MGAM: variants seen among roughly 807,000 people sequenced by gnomAD.
MGAM encodes the protein alpha-1,4-glucosidase.
Under a neutral mutation model 358.8 loss-of-function variants are expected in MGAM, and 253 were observed. The ratio of observed to expected loss-of-function variants is 0.71; its 90% CI spans 0.64 to 0.78. The LOEUF (loss-of-function observed/expected upper bound fraction) is 0.78. Among genes scored for constraint, MGAM ranks in the 30% least tolerant of loss-of-function variants. MGAM has a pLI of 0.00. For missense variants in MGAM, 3,080 were observed against 3,432.6 expected, an observed-to-expected ratio of 0.90 and a Z score of 2.57; for synonymous variants, 1,105 against 1,227.1, an observed-to-expected ratio of 0.90 and a Z score of 2.08.
chr7:141,986,999 A>G (rs1803734179), intron 2 of MGAM, among the ~76,000 whole-genome samples: 1 of 152,204 alleles, frequency 6.6e-6, no homozygotes, highest in African/African-American at 2.4e-5. Context: ...CTCATAGGGT[A>G]GACTATGATT....
intron 7 of MGAM, 75 bp from the exon 8 acceptor site, chr7:142,024,975 T>A (rs1024388465): frequency 5.3e-5 from 56 of 1,064,882 alleles, no homozygotes; most frequent in Non-Finnish European, 7.6e-5. Context: ...TAAGACTGAT[T>A]TCCTAAACCA....
At chr7:142,060,741 TACTG>T (rs1812092831) in intron 34 of MGAM, among the ~76,000 whole-genome samples, 1 of 151,056 alleles carries the variant, frequency 6.6e-6, no homozygotes, top group Non-Finnish European at 1.5e-5. Flanking sequence ...CTGGCATACT[TACTG>T]TTGTTGCCTC....
At position 142,053,348 on chromosome 7, in the gene MGAM, T is replaced by A. The variant is rs191561617; in HGVS notation, c.3159+364T>A. On this transcript the variant is annotated intron_variant, in intron 26 of 70. Transcript: ENST00000475668. ...GAGAAAGTTGGGTTACAGGATCTAG[T>A]GCTCAATTGCAAGCAGGTGACAATG... 1.2e-4 allele frequency among the ~76,000 whole-genome samples: 19 copies of A among 152,090 alleles called. No homozygotes were observed. In the East Asian group the frequency reaches 3.1e-3, roughly 25 times the overall value.
Position 142,084,405 on chromosome 7 carries a change from T to G in MGAM, c.6382-114T>G, listed in dbSNP as rs1217313241. On this transcript the variant is annotated intron_variant, in intron 53 of 70. Coordinates refer to ENST00000475668, the MANE Select transcript of MGAM (RefSeq NM_001365693.1). ...ATATCCTGTCAGTTTTGATGTGGAA[T>G]TCAATTAGTTAGTTGTCTAGCTTGG... The G allele has an allele frequency of 7.4e-6, 9 of 1,224,412 alleles. 2 individuals are homozygous for G. The highest frequency in any genetic ancestry group is 1.0e-5 in the Non-Finnish European group (9 of 868,402). The allele number at this position is 1,224,412 out of a possible 1,614,324, so 75.8% of individuals were successfully genotyped here.
chr7:142,059,358 A>C, intron 31 of MGAM, 114 bp from the exon 32 acceptor site: 1 of 1,475,580 alleles, frequency 6.8e-7, no homozygotes, highest in Non-Finnish European at 9.1e-7. Context: ...CTGGGATTTG[A>C]ATGCATCAAC....
intron 44 of MGAM, among the ~76,000 whole-genome samples, chr7:142,072,432 A>G (rs1813419821): frequency 6.8e-6 from 1 of 146,346 alleles, no homozygotes; most frequent in South Asian, 2.2e-4. Context: ...CAGAGGAAGC[A>G]CTGCCACTTC....
intron 26 of MGAM, 41 bp downstream of exon 26, chr7:142,053,025 T>C: frequency 1.3e-6 from 2 of 1,591,054 alleles, no homozygotes; most frequent in South Asian, 2.2e-5. Flanking sequence ...TAGACCCTTT[T>C]CAGTTCCATT....
chr7:142,024,280 G>A (rs189117779), intron 7 of MGAM, among the ~76,000 whole-genome samples: 3 of 152,090 alleles, frequency 2.0e-5, no homozygotes, highest in Admixed American at 2.0e-4. Flanking sequence ...AGGCGGTAGT[G>A]GCACACGCCT....
intron 31 of MGAM, among the ~76,000 whole-genome samples, chr7:142,059,240 G>A (rs1413025081): frequency 2.0e-5 from 3 of 152,230 alleles, no homozygotes; most frequent in Non-Finnish European, 2.9e-5. Flanking sequence ...TGCTAGAGAC[G>A]CATTCTCATC....
rs1307908587 is a variant in MGAM, at chr7:142,078,374, G to A, written c.5550G>A (p.Trp1850Ter). ...LFLGEAYTVE[W>*]SIKIRDEEKI... ...TGGGAGAAGCATACACAGTGGAGTG[G>A]AGCATAAAGATAAGGGATGAAGAAA... is the stretch of plus-strand genomic sequence containing the variant. Residue 1850 changes from tryptophan to a stop codon, truncating the protein, a stop_gained, in exon 48 of 71, where the codon TGG becomes TGA. Transcript: ENST00000475668. LOFTEE classifies it high-confidence loss of function. The A allele has an allele frequency of 2.6e-6, 4 of 1,518,922 alleles. 1 individual carries two copies. Among genetic ancestry groups the A allele is most frequent in the African/African-American group, 2.7e-5 (2 of 74,006 alleles). 94.1% of individuals were successfully genotyped at this position (1,518,922 alleles called of 1,614,324 possible).
In MGAM at chr7:142,030,773, G is replaced by A. The variant is rs1326207282; in HGVS notation, c.1470+16G>A. The A allele has an allele frequency of 6.5e-7, 1 of 1,537,886 alleles. No individual in the cohort carries two copies. Among genetic ancestry groups the A allele is most frequent in the Admixed American group, 1.7e-5 (1 of 59,812 alleles). ...CATTGGGGAGGTAACTTAATGGGAAGGCTGGAGGCTGGTGGAGGGGCTGCA... is the reference window on the plus strand; with the variant it reads ...CATTGGGGAGGTAACTTAATGGGAAAGCTGGAGGCTGGTGGAGGGGCTGCA... On this transcript the variant is annotated intron_variant, in intron 12 of 70. Coordinates refer to ENST00000475668, the MANE Select transcript of MGAM (RefSeq NM_001365693.1).
intron 64 of MGAM, 135 bp downstream of exon 64, chr7:142,095,848 A>G: frequency 7.3e-7 from 1 of 1,367,940 alleles, no homozygotes. Flanking sequence ...ATACTTTATT[A>G]CTCTCTTTAG....
chr7:141,987,303 T>C (rs1356791144), intron 2 of MGAM, among the ~76,000 whole-genome samples: 4 of 152,208 alleles, frequency 2.6e-5, no homozygotes, highest in African/African-American at 7.2e-5. Flanking sequence ...TTGAATGTTT[T>C]CTTTCTGCTA....
At chr7:142,019,859 A>G (rs558984951) in intron 4 of MGAM, among the ~76,000 whole-genome samples, 162 of 152,304 alleles carry the variant, frequency 1.1e-3, no homozygotes, top group Non-Finnish European at 1.5e-3. Context: ...ACCTGAGCTC[A>G]GGAGTTTGAG....
intron 64 of MGAM, 152 bp downstream of exon 64, chr7:142,095,865 G>A: frequency 4.2e-6 from 5 of 1,185,290 alleles, no homozygotes; most frequent in Non-Finnish European, 5.9e-6. Flanking sequence ...TTAGCACAGT[G>A]CTATACATGC....
In MGAM at chr7:142,052,278, T is replaced by C. The variant is rs376969260; in HGVS notation, c.2806-16T>C. 15 of 1,583,854 alleles carry C rather than the reference T, an allele frequency of 9.5e-6. No homozygotes were observed. In the African/African-American group the frequency reaches 1.9e-4, roughly 20 times the overall value. ...TCCTAAAGATGAATTTCCTTATGATTTCCACATTCCTACAGGTTGCCATTA... is the reference window on the plus strand; with the variant it reads ...TCCTAAAGATGAATTTCCTTATGATCTCCACATTCCTACAGGTTGCCATTA... On this transcript the variant is annotated splice_polypyrimidine_tract_variant and intron_variant, in intron 24 of 70. Transcript: ENST00000475668.
chr7:142,100,935 A>C, intron 68 of MGAM, 45 bp downstream of exon 68: 1 of 1,536,356 alleles, frequency 6.5e-7, no homozygotes, highest in Non-Finnish European at 8.9e-7. Context: ...CACTGACTAC[A>C]TTCCTGGATT....
chr7:142,056,878 G>A lies in MGAM; in HGVS notation c.3629G>A (p.Gly1210Glu). ...LPALTYRTTG[G>E]VLDFYVFLGP... ...GCCTTGACATACCGCACCACAGGGGGAGTTCTGGACTTTTATGTGTTCTTG... is the reference window on the plus strand; with the variant it reads ...GCCTTGACATACCGCACCACAGGGGAAGTTCTGGACTTTTATGTGTTCTTG... The change falls in exon 30 of 71, where the codon GGA (glycine) becomes GAA (glutamate). Residue 1210 changes from glycine to glutamate, a missense_variant. Around this residue, in one of 5 missense-constraint regions of MGAM, gnomAD observed 1,816 missense variants for 1,840.5 expected, o/e 0.99. Coordinates refer to ENST00000475668, the MANE Select transcript of MGAM (RefSeq NM_001365693.1). 1 of 1,613,868 alleles carries A rather than the reference G, an allele frequency of 6.2e-7. No individual in the cohort carries two copies. The highest frequency in any genetic ancestry group is 8.5e-7 in the Non-Finnish European group (1 of 1,179,844).
Position 142,092,533 on chromosome 7 carries a change from C to G in MGAM, c.6958C>G (p.Pro2320Ala). The change falls in exon 59 of 71, where the codon CCA becomes GCA. Residue 2320 changes from proline (P) to alanine (A), a missense_variant. This residue lies in a region of MGAM where 932 missense variants were observed against 1,198.2 expected (regional missense o/e 0.78). Coordinates refer to ENST00000475668, the MANE Select transcript of MGAM (RefSeq NM_001365693.1). ...TTGGCATTTCTAGGATATGAATGAA[C>G]CATCAAGCTTCGTGAATGGGGCAGT... is the stretch of plus-strand genomic sequence containing the variant. Reference protein sequence around the residue: ...FDGMWIDMNEPSSFVNGAVSP... With the variant: ...FDGMWIDMNEASSFVNGAVSP... The G allele has an allele frequency of 6.5e-7, 1 of 1,548,204 alleles. No homozygotes were observed. Among genetic ancestry groups the G allele is most frequent in the East Asian group, 2.3e-5 (1 of 43,724 alleles).
Sources: allele counts gnomAD v4.1 joint callset (sites outside exome capture counted in the v4.1 genomes callset), GRCh38; gene constraint gnomAD v4.1.1; regional missense constraint gnomAD v4.1.1; transcripts MANE v1.5; gene names NCBI Gene and HGNC (gene_info 2026-07-23, HGNC 2026-07-21).